DOCK2: variants seen among roughly 807,000 people sequenced by gnomAD.
DOCK2 encodes the protein dedicator of cytokinesis protein 2.
A neutral mutation model predicts 248.9 loss-of-function variants in DOCK2; 87 were observed. The observed-to-expected ratio is 0.35, with a 90% CI of 0.29 to 0.42. DOCK2 has a LOEUF of 0.42. DOCK2 is among the 10% of genes least tolerant of loss of function. The pLI is 1.00. For synonymous variants in DOCK2, 805 were observed against 821.6 expected (o/e 0.98, Z 0.35); for missense variants, 1,747 against 2,300.2 (o/e 0.76, Z 4.92).
chr5:170,078,966 G>A lies in DOCK2; in HGVS notation c.4995-9G>A, dbSNP rs903686504. ...TGCAGTTTCTATTGCTGCCCCTCTG[G>A]CCTTTCAGCTTTGACCTGGAATTAG... On this transcript the variant is annotated splice_polypyrimidine_tract_variant and intron_variant, in intron 48 of 51. Transcript: ENST00000520908. 4 of 1,613,570 alleles carry A rather than the reference G, an allele frequency of 2.5e-6. No homozygotes were observed. Among genetic ancestry groups the A allele is most frequent in the Middle Eastern group, 3.3e-4 (2 of 6,006 alleles).
intron 6 of DOCK2, among the ~76,000 whole-genome samples, 175 bp downstream of exon 6, chr5:169,674,620 AG>A (rs1425708461): frequency 6.6e-6 from 1 of 152,186 alleles, no homozygotes; most frequent in African/African-American, 2.4e-5. Flanking sequence ...TGGGGGACCT[AG>A]GGACATGCAG....
chr5:169,755,046 T>C (rs926459313), intron 23 of DOCK2, among the ~76,000 whole-genome samples: 26 of 151,996 alleles, frequency 1.7e-4, no homozygotes, highest in Admixed American at 9.8e-4. Flanking sequence ...GAAGCAATCC[T>C]CTTGCCTCAG....
intron 25 of DOCK2, among the ~76,000 whole-genome samples, chr5:169,780,490 C>T (rs78377409): frequency 0.01 from 1,588 of 152,280 alleles, 30 homozygotes; most frequent in African/African-American, 0.037. Context: ...CCTCCCTGTT[C>T]GTATTTGTTT....
At chr5:169,881,523 G>A (rs1032858990) in intron 27 of DOCK2, 3 of 1,075,636 alleles carry the variant, frequency 2.8e-6, no homozygotes, top group Non-Finnish European at 4.2e-6. Context: ...TTGTCCCTTA[G>A]TCCCTATAGC....
intron 49 of DOCK2, 100 bp downstream of exon 49, chr5:170,079,246 C>A: frequency 1.4e-6 from 2 of 1,457,586 alleles, no homozygotes; most frequent in South Asian, 1.3e-5. Context: ...CTTCCTGAAG[C>A]CTGCCACTGC....
At chr5:170,048,725 G>C (rs772595407) in intron 40 of DOCK2, among the ~76,000 whole-genome samples, 1 of 152,140 alleles carries the variant, frequency 6.6e-6, no homozygotes, top group South Asian at 2.1e-4. Context: ...TTCCTGAGAG[G>C]GTCTTGGGAA....
intron 27 of DOCK2, among the ~76,000 whole-genome samples, chr5:169,952,884 G>A (rs1776718944): frequency 6.6e-6 from 1 of 152,230 alleles, no homozygotes; most frequent in Non-Finnish European, 1.5e-5. Context: ...ATACTTTGCA[G>A]AAGTCTGGGA....
intron 22 of DOCK2, among the ~76,000 whole-genome samples, chr5:169,738,934 A>C (rs889354463): frequency 6.6e-6 from 1 of 152,144 alleles, no homozygotes; most frequent in South Asian, 2.1e-4. Flanking sequence ...TGGTCATCCT[A>C]CTGCTCAAAG....
intron 28 of DOCK2, 87 bp from the exon 29 acceptor site, chr5:169,985,741 A>C (rs1778052302): frequency 4.4e-6 from 5 of 1,142,394 alleles, no homozygotes. Flanking sequence ...TCCCTCCAAA[A>C]TATAATAGCA....
intron 6 of DOCK2, among the ~76,000 whole-genome samples, chr5:169,677,279 A>C (rs1032027654): frequency 2.0e-5 from 3 of 152,104 alleles, no homozygotes; most frequent in African/African-American, 7.2e-5. Flanking sequence ...ACCCTTCCTA[A>C]CTCTGATTTA....
intron 27 of DOCK2, among the ~76,000 whole-genome samples, chr5:169,931,078 G>A (rs1387451106): frequency 6.6e-6 from 1 of 152,156 alleles, no homozygotes; most frequent in Non-Finnish European, 1.5e-5. Flanking sequence ...AGATAAAGTG[G>A]CTTTGCTTGA....
chr5:169,759,615 C>T (rs1045074156), intron 23 of DOCK2, 90 bp from the exon 24 acceptor site: 39 of 1,397,134 alleles, frequency 2.8e-5, no homozygotes, highest in Non-Finnish European at 3.7e-5. Flanking sequence ...TCATTCTCCT[C>T]TGATCTGTGT....
chr5:170,082,042 C>T, intron 51 of DOCK2, 58 bp downstream of exon 51: 1 of 1,590,994 alleles, frequency 6.3e-7, no homozygotes, highest in Admixed American at 1.7e-5. Context: ...GGGAAGAGAG[C>T]AATGCAGAGA....
intron 23 of DOCK2, among the ~76,000 whole-genome samples, chr5:169,756,638 G>C (rs1764208881): frequency 2.0e-5 from 3 of 152,158 alleles, no homozygotes; most frequent in African/African-American, 7.2e-5. Flanking sequence ...AGAAGTGCTT[G>C]CACCAGGCCA....
chr5:169,955,922 G>C (rs1297104439), intron 27 of DOCK2, among the ~76,000 whole-genome samples: 2 of 152,122 alleles, frequency 1.3e-5, no homozygotes, highest in East Asian at 1.9e-4. Context: ...AACAAGCCAA[G>C]TGTGCTTTGG....
chr5:169,915,059 C>A (rs1774801925), intron 27 of DOCK2, among the ~76,000 whole-genome samples: 1 of 152,200 alleles, frequency 6.6e-6, no homozygotes, highest in Admixed American at 6.5e-5. Context: ...GCTGTCTTCA[C>A]CCCAGAGCCA....
chr5:169,696,197 A>G (rs1259348181), intron 10 of DOCK2, among the ~76,000 whole-genome samples: 1 of 152,230 alleles, frequency 6.6e-6, no homozygotes, highest in Non-Finnish European at 1.5e-5. Context: ...CCGTCTGAGC[A>G]GTTGACACCT....
intron 27 of DOCK2, among the ~76,000 whole-genome samples, chr5:169,929,390 C>T (rs1049183704): frequency 2.0e-5 from 3 of 152,082 alleles, no homozygotes; most frequent in South Asian, 2.1e-4. Context: ...TCCCGGCAAA[C>T]GATATACAGA....
chr5:170,080,522 G>A (rs981671324), intron 50 of DOCK2: 6 of 537,394 alleles, frequency 1.1e-5, no homozygotes, highest in East Asian at 6.4e-5. Flanking sequence ...TGTCCCTTGG[G>A]CCCTCAGGAT....
Sources: gnomAD v4.1 joint callset for allele counts (sites outside exome capture counted in the v4.1 genomes callset) on GRCh38, gnomAD v4.1.1 for gene constraint, MANE v1.5 for transcripts, NCBI Gene and HGNC (gene_info 2026-07-23, HGNC 2026-07-21) for gene names.